Variants in DCLRE1C observed in about 807,000 individuals in gnomAD.
DCLRE1C encodes the protein protein artemis.
In DCLRE1C, 47 loss-of-function variants were observed where a neutral mutation model predicts 61.4. The ratio of observed to expected loss-of-function variants is 0.77; its 90% CI spans 0.61 to 0.98. DCLRE1C has a LOEUF of 0.98. Among genes scored for constraint, DCLRE1C ranks in the 50% least tolerant of loss-of-function variants. The pLI is 0.00. For missense variants in DCLRE1C, 858 were observed against 816.0 expected (o/e 1.05, Z -0.63); for synonymous variants, 337 against 287.6 (o/e 1.17, Z -1.74).
At chr10:14,936,083 A>C (rs1839857847) in intron 5 of DCLRE1C, among the ~76,000 whole-genome samples, 1 of 152,120 alleles carries the variant, frequency 6.6e-6, no homozygotes, top group South Asian at 2.1e-4. Context: ...TTGTAAAGTC[A>C]AGGTTTCACC....
At chr10:14,918,353 C>T (rs1379018828) in intron 13 of DCLRE1C, among the ~76,000 whole-genome samples, 1 of 152,138 alleles carries the variant, frequency 6.6e-6, no homozygotes, top group Non-Finnish European at 1.5e-5. Context: ...ATCTCTGATG[C>T]ACTGAGTAAA....
intron 3 of DCLRE1C, 124 bp downstream of exon 3, chr10:14,944,981 T>C: frequency 1.4e-6 from 1 of 712,204 alleles, no homozygotes; most frequent in Non-Finnish European, 2.4e-6. Context: ...GGCCAGAGAC[T>C]CAATATTCTA....
intron 13 of DCLRE1C, among the ~76,000 whole-genome samples, chr10:14,913,125 G>A (rs1173536970): frequency 6.6e-6 from 1 of 152,254 alleles, no homozygotes; most frequent in African/African-American, 2.4e-5. Flanking sequence ...CAAAGTGCTG[G>A]GATTACAGGC....
At chr10:14,917,616 G>A (rs2130712435) in intron 13 of DCLRE1C, among the ~76,000 whole-genome samples, 1 of 152,272 alleles carries the variant, frequency 6.6e-6, no homozygotes, top group East Asian at 1.9e-4. Context: ...TTGAGCTCAG[G>A]AGTCCGAGAC....
At chr10:14,940,712 C>G (rs2153794) in intron 3 of DCLRE1C, among the ~76,000 whole-genome samples, 2 of 136,130 alleles carry the variant, frequency 1.5e-5, no homozygotes, top group Non-Finnish European at 3.2e-5. Context: ...TGATTTTTCA[C>G]CTTTTTAGTC....
In DCLRE1C at chr10:14,908,895, T is replaced by A; in HGVS notation, c.1592A>T (p.His531Leu). The stretch of plus-strand genomic sequence containing the variant: ...CTGGGAAGAATTCTGGGAGGAGATG[T>A]GAGTTGATTCTCCATCAGAGTCACT... ...LFSDSDGEST[H>L]ISSQNSSQST... The change falls in exon 14 of 14, where the codon CAC becomes CTC. Residue 531 changes from histidine to leucine, a missense_variant. Coordinates refer to ENST00000378278, the MANE Select transcript of DCLRE1C (RefSeq NM_001033855.3). 1 of 1,614,200 alleles carries A rather than the reference T, an allele frequency of 6.2e-7. No individual in the cohort carries two copies. The highest frequency in any genetic ancestry group is 8.5e-7 in the Non-Finnish European group (1 of 1,180,034).
At chr10:14,946,184 T>A (rs1333984658) in intron 2 of DCLRE1C, among the ~76,000 whole-genome samples, 1 of 150,416 alleles carries the variant, frequency 6.6e-6, no homozygotes, top group Non-Finnish European at 1.5e-5. Flanking sequence ...CTTTTTGTAT[T>A]TTTAATAGAA....
intron 12 of DCLRE1C, among the ~76,000 whole-genome samples, chr10:14,921,218 G>T (rs1837060522): frequency 6.6e-6 from 1 of 151,594 alleles, no homozygotes; most frequent in Admixed American, 6.6e-5. Context: ...TACTCGGGAG[G>T]CTGAGGCAGG....
At chr10:14,936,805 T>G (rs1327240021) in intron 4 of DCLRE1C, among the ~76,000 whole-genome samples, 1 of 152,072 alleles carries the variant, frequency 6.6e-6, no homozygotes, top group African/African-American at 2.4e-5. Context: ...TCACCACTAG[T>G]TATAGAACCA....
At chr10:14,947,283 T>C (rs1336683751) in intron 2 of DCLRE1C, among the ~76,000 whole-genome samples, 1 of 152,158 alleles carries the variant, frequency 6.6e-6, no homozygotes, top group Non-Finnish European at 1.5e-5. Flanking sequence ...TGTGTGAGTT[T>C]TCCCAGCCCA....
At chr10:14,897,566 CTTTTGGA>C (rs781335014) in exon 14 of DCLRE1C, 5 of 1,420,068 alleles carry the variant, frequency 3.5e-6, no homozygotes, top group Non-Finnish European at 4.6e-6. Context: ...AAGGTTTATA[CTTTTGGA>C]AAATTACCTT....
At chr10:14,910,469 TA>T (rs371815565) in intron 13 of DCLRE1C, among the ~76,000 whole-genome samples, 19 of 152,332 alleles carry the variant, frequency 1.2e-4, no homozygotes, top group African/African-American at 4.3e-4. Context: ...CATGCCCAGC[TA>T]ATTTTTTTTA....
At chr10:14,924,147 G>A (rs192523044) in intron 11 of DCLRE1C, among the ~76,000 whole-genome samples, 76 of 152,326 alleles carry the variant, frequency 5.0e-4, no homozygotes, top group African/African-American at 1.7e-3. Flanking sequence ...CTGAGCTGCC[G>A]CAGGCTGTGT....
chr10:14,954,220 A>G, upstream of DCLRE1C: 3 of 739,164 alleles, frequency 4.1e-6, no homozygotes, highest in Non-Finnish European at 6.7e-6. Flanking sequence ...GGTTTAAATC[A>G]CCCGCGCTTC....
At chr10:14,933,992 G>T (rs1290537978) in intron 8 of DCLRE1C, among the ~76,000 whole-genome samples, 2 of 152,134 alleles carry the variant, frequency 1.3e-5, no homozygotes, top group African/African-American at 2.4e-5. Flanking sequence ...AGGCGAGGAG[G>T]GGGAGGAAAG....
intron 13 of DCLRE1C, among the ~76,000 whole-genome samples, chr10:14,914,587 T>A (rs1408926671): frequency 2.6e-5 from 4 of 152,220 alleles, no homozygotes; most frequent in Non-Finnish European, 5.9e-5. Flanking sequence ...ATTAAACATT[T>A]ACCAGGTTTA....
chr10:14,936,537 C>A lies in DCLRE1C; in HGVS notation c.362+1G>T, dbSNP rs1564446526. The A allele has an allele frequency of 1.2e-6, 2 of 1,611,244 alleles. No individual in the cohort carries two copies. On this transcript the variant is annotated splice_donor_variant, in intron 5 of 13. Coordinates refer to ENST00000378278, the MANE Select transcript of DCLRE1C (RefSeq NM_001033855.3). LOFTEE classifies it high-confidence loss of function. Reference sequence around the variant, plus strand: ...AATGACAAAATAAATGACCCCCTTACATAACTGATCCCGGACAGTGACCAG... The same window carrying A: ...AATGACAAAATAAATGACCCCCTTAAATAACTGATCCCGGACAGTGACCAG...
At chr10:14,935,672 A>C in intron 5 of DCLRE1C, 108 bp from the exon 6 acceptor site, 1 of 1,064,244 alleles carries the variant, frequency 9.4e-7, no homozygotes, top group Non-Finnish European at 1.4e-6. Context: ...TATCCATTAC[A>C]ATACAATGGT....
intron 11 of DCLRE1C, among the ~76,000 whole-genome samples, chr10:14,926,146 T>C (rs1837938163): frequency 6.6e-6 from 1 of 152,110 alleles, no homozygotes; most frequent in African/African-American, 2.4e-5. Flanking sequence ...GGCATGTCCT[T>C]AGAGCAGCAG....
Sources: allele counts gnomAD v4.1 joint callset (sites outside exome capture counted in the v4.1 genomes callset), GRCh38; gene constraint gnomAD v4.1.1; transcripts MANE v1.5; gene names NCBI Gene and HGNC (gene_info 2026-07-23, HGNC 2026-07-21).